SPATA16: variants seen among roughly 807,000 people sequenced by gnomAD.
SPATA16 encodes spermatogenesis associated 16.
Under a neutral mutation model 63.3 loss-of-function variants are expected in SPATA16, and 36 were observed. The ratio of observed to expected loss-of-function variants is 0.57; its 90% CI spans 0.44 to 0.75. The LOEUF (loss-of-function observed/expected upper bound fraction) is 0.75. Ranked by LOEUF, SPATA16 falls within the 30% of genes least tolerant of loss-of-function variation. The pLI, the probability that SPATA16 is intolerant of heterozygous loss-of-function variation, is 0.00. For synonymous variants in SPATA16, 203 were observed against 216.7 expected, an observed-to-expected ratio of 0.94 and a Z score of 0.56; for missense variants, 646 against 679.3, an observed-to-expected ratio of 0.95 and a Z score of 0.54.
chr3:172,994,873 G>T (rs1274604045), intron 4 of SPATA16, among the ~76,000 whole-genome samples: 2 of 151,992 alleles, frequency 1.3e-5, no homozygotes, highest in Non-Finnish European at 2.9e-5. Context: ...CTTATGTTAG[G>T]CAGTTAGAAT....
intron 2 of SPATA16, among the ~76,000 whole-genome samples, chr3:173,069,003 G>A (rs537968395): frequency 1.5e-4 from 22 of 151,218 alleles, no homozygotes; most frequent in African/African-American, 5.1e-4. Flanking sequence ...CCAGCTACTC[G>A]GGAGGCTGAG....
chr3:173,010,279 C>G (rs1735037489), intron 4 of SPATA16, among the ~76,000 whole-genome samples: 1 of 152,060 alleles, frequency 6.6e-6, no homozygotes, highest in Non-Finnish European at 1.5e-5. Flanking sequence ...TGGGAGGGAA[C>G]AAAGAGCCTG....
intron 2 of SPATA16, among the ~76,000 whole-genome samples, chr3:173,055,299 C>G (rs1337463744): frequency 2.6e-5 from 4 of 152,192 alleles, no homozygotes; most frequent in African/African-American, 7.2e-5. Flanking sequence ...CAGAGACATT[C>G]TTATATTCAC....
intron 2 of SPATA16, among the ~76,000 whole-genome samples, chr3:173,105,876 G>C (rs1369655709): frequency 1.4e-5 from 2 of 142,424 alleles, no homozygotes; most frequent in African/African-American, 5.2e-5. Flanking sequence ...TCTATTTATA[G>C]ATAGATAGAG....
chr3:173,087,081 A>G (rs1577167387), intron 2 of SPATA16, among the ~76,000 whole-genome samples: 1 of 152,016 alleles, frequency 6.6e-6, no homozygotes, highest in Non-Finnish European at 1.5e-5. Context: ...CCTGAATATC[A>G]TTGTTAATTT....
intron 2 of SPATA16, among the ~76,000 whole-genome samples, chr3:173,095,101 A>G (rs541633263): frequency 1.3e-5 from 2 of 152,244 alleles, no homozygotes; most frequent in South Asian, 2.1e-4. Flanking sequence ...GCTACTTACT[A>G]GTAGGGTGAT....
At chr3:173,113,906 G>A (rs537735581) in intron 2 of SPATA16, among the ~76,000 whole-genome samples, 11 of 152,236 alleles carry the variant, frequency 7.2e-5, no homozygotes, top group Admixed American at 2.6e-4. Context: ...TCTGCTGGGC[G>A]CAGTGGCTCA....
chr3:173,131,794 C>A lies in SPATA16; in HGVS notation c.-19+9309G>T, dbSNP rs184307841. Among the ~76,000 whole-genome samples, 319 of 151,968 alleles carry A rather than the reference C, an allele frequency of 2.1e-3. 2 individuals carry two copies. The highest frequency in any genetic ancestry group is 7.1e-3 in the African/African-American group (295 of 41,418). On this transcript the variant is annotated intron_variant, in intron 1 of 10. Coordinates refer to ENST00000351008, the MANE Select transcript of SPATA16 (RefSeq NM_031955.6). Reference sequence around the variant, plus strand: ...AGCTCAGCCTCAATATGAAACAGTCCCTAATTAAATTAAGATGAAGTGCCA... The same window carrying A: ...AGCTCAGCCTCAATATGAAACAGTCACTAATTAAATTAAGATGAAGTGCCA...
chr3:172,903,108 C>CT (rs1732154854), intron 10 of SPATA16, among the ~76,000 whole-genome samples: 1 of 152,100 alleles, frequency 6.6e-6, no homozygotes, highest in Admixed American at 6.5e-5. Context: ...CTGTTATTCT[C>CT]CAGAATTATA....
At chr3:172,973,526 T>G (rs140173653) in intron 5 of SPATA16, among the ~76,000 whole-genome samples, 2 of 152,248 alleles carry the variant, frequency 1.3e-5, no homozygotes, top group East Asian at 3.9e-4. Context: ...TTATTCACAT[T>G]ACATGAGTTA....
In SPATA16 at chr3:172,889,530, C is replaced by G; in HGVS notation, c.*40G>C. On this transcript the variant is annotated 3_prime_UTR_variant, in exon 11 of 11. Coordinates refer to ENST00000351008, the MANE Select transcript of SPATA16 (RefSeq NM_031955.6). ...ATTGGAGTGGATGCCCTTGCCTCTT[C>G]TTCTGGGATATCTTAGTGGTAGTGC... The G allele has an allele frequency of 6.2e-7, 1 of 1,612,620 alleles. No homozygotes were observed. Among genetic ancestry groups the G allele is most frequent in the Non-Finnish European group, 8.5e-7 (1 of 1,179,646 alleles).
At chr3:172,918,313 T>C (rs560482797) in intron 8 of SPATA16, among the ~76,000 whole-genome samples, 1 of 152,334 alleles carries the variant, frequency 6.6e-6, no homozygotes, top group East Asian at 1.9e-4. Flanking sequence ...AACTGCAGGC[T>C]GCTCAGGAAC....
At chr3:173,034,526 A>G (rs533275096) in intron 3 of SPATA16, among the ~76,000 whole-genome samples, 2 of 152,266 alleles carry the variant, frequency 1.3e-5, no homozygotes, top group Middle Eastern at 3.4e-3. Flanking sequence ...TATTTTACCT[A>G]CTTAAGCCCT....
chr3:173,069,112 G>GAAAAAAAAAAAAAAAAAAAAAAAAAAA (rs541801266), intron 2 of SPATA16, among the ~76,000 whole-genome samples: 2 of 109,168 alleles, frequency 1.8e-5, no homozygotes, highest in African/African-American at 7.3e-5. Context: ...TCCGTCTCAA[G>GAAAAAAAAAAAAAAAAAAAAAAAAAAA]AAAAAAAAAA....
chr3:173,095,317 A>G (rs1423869410), intron 2 of SPATA16, among the ~76,000 whole-genome samples: 1 of 152,220 alleles, frequency 6.6e-6, no homozygotes, highest in African/African-American at 2.4e-5. Context: ...AGTTAAAACT[A>G]TAACTCCAAA....
chr3:173,008,087 A>G lies in SPATA16; in HGVS notation c.848+11399T>C, dbSNP rs558423497. Among the ~76,000 whole-genome samples, 150 of 152,276 alleles carry G rather than the reference A, an allele frequency of 9.9e-4. 2 individuals are homozygous for G. In the South Asian group the frequency reaches 0.028, roughly 28 times the overall value. On this transcript the variant is annotated intron_variant, in intron 4 of 10. Transcript: ENST00000351008. ...TTTCAAATTTTCGAAAACGAAAGACATGGAATGGTTTATTCTGTTGAGACA... is the reference window on the plus strand; with the variant it reads ...TTTCAAATTTTCGAAAACGAAAGACGTGGAATGGTTTATTCTGTTGAGACA...
In SPATA16 at chr3:172,977,002, T is replaced by C. The variant is rs756051938; in HGVS notation, c.899A>G (p.Glu300Gly). 1 of 1,612,256 alleles carries C rather than the reference T, an allele frequency of 6.2e-7. No homozygotes were observed. The highest frequency in any genetic ancestry group is 1.1e-5 in the South Asian group (1 of 91,066). The change falls in exon 5 of 11, where the codon GAG (glutamate) becomes GGG (glycine). Residue 300 changes from glutamate (E) to glycine (G), a missense_variant. Glu to Gly is a moderately conservative substitution (Grantham distance 98). Transcript: ENST00000351008. ...YMFWLGGGRE[E>G]SISKLIKLYW... ...CAGTTTGATGAGCTTGCTTATGCTC[T>C]CTTCCCTTCCTCCACCAAGCCAGAA...
At chr3:173,109,796 TC>T (rs1356406617) in intron 2 of SPATA16, among the ~76,000 whole-genome samples, 1 of 152,202 alleles carries the variant, frequency 6.6e-6, no homozygotes, top group Non-Finnish European at 1.5e-5. Context: ...ATTCCTTGTC[TC>T]TACACTTTGG....
intron 5 of SPATA16, among the ~76,000 whole-genome samples, chr3:172,963,643 T>C (rs568723437): frequency 1.3e-5 from 2 of 152,242 alleles, no homozygotes; most frequent in Admixed American, 6.5e-5. Context: ...AAATAACTTC[T>C]GCACTTAATG....
Sources: allele counts gnomAD v4.1 joint callset (sites outside exome capture counted in the v4.1 genomes callset), GRCh38; gene constraint gnomAD v4.1.1; transcripts MANE v1.5; gene names NCBI Gene and HGNC (gene_info 2026-07-23, HGNC 2026-07-21).